The following TMEM116 variants were observed in gnomAD, a reference collection of about 807,000 sequenced individuals.
TMEM116 encodes the protein transmembrane protein 116.
Under a neutral mutation model 44.3 loss-of-function variants are expected in TMEM116, and 38 were observed. That is an observed-to-expected ratio of 0.86 (90% CI 0.66 to 1.12). The LOEUF (loss-of-function observed/expected upper bound fraction) is 1.12, where lower values mean the gene tolerates loss of function less well. TMEM116 is among the 50% of genes most tolerant of loss of function. The pLI, the probability that TMEM116 is intolerant of heterozygous loss-of-function variation, is 0.00. For missense variants in TMEM116, 354 were observed against 401.7 expected (o/e 0.88, Z 1.01); for synonymous variants, 132 against 144.8 (o/e 0.91, Z 0.64).
intron 4 of TMEM116, among the ~76,000 whole-genome samples, chr12:111,948,765 T>A (rs1445737372): frequency 1.3e-5 from 2 of 152,110 alleles, no homozygotes; most frequent in African/African-American, 4.8e-5. Context: ...CTTTGTAAAT[T>A]GCAAAGTTCC....
intron 3 of TMEM116, among the ~76,000 whole-genome samples, chr12:111,997,196 T>C (rs2076975717): frequency 6.6e-6 from 1 of 152,196 alleles, no homozygotes; most frequent in Non-Finnish European, 1.5e-5. Context: ...AAATAGTACA[T>C]ACATGTTTCA....
intron 4 of TMEM116, among the ~76,000 whole-genome samples, chr12:111,951,522 T>C (rs1350683058): frequency 1.3e-5 from 2 of 152,116 alleles, no homozygotes; most frequent in African/African-American, 4.8e-5. Context: ...TTCAGGAACA[T>C]TGATGGAGCT....
At chr12:111,971,385 A>G (rs941440034) in intron 4 of TMEM116, among the ~76,000 whole-genome samples, 3 of 152,342 alleles carry the variant, frequency 2.0e-5, no homozygotes. Flanking sequence ...AAGAGAAATG[A>G]AAGTACACTA....
chr12:111,992,635 C>T (rs2076679675), intron 3 of TMEM116, among the ~76,000 whole-genome samples: 1 of 152,044 alleles, frequency 6.6e-6, no homozygotes, highest in Non-Finnish European at 1.5e-5. Context: ...AAAATGAAAA[C>T]GTTTACAGTA....
chr12:111,978,669 CTT>C (rs1401138033), intron 4 of TMEM116: 4 of 318,200 alleles, frequency 1.3e-5, no homozygotes, highest in Non-Finnish European at 2.6e-5. Context: ...CTCTCTGTCT[CTT>C]GTCTCCACTA....
At chr12:112,007,436 T>C (rs1565978919) in intron 1 of TMEM116, among the ~76,000 whole-genome samples, 1 of 151,858 alleles carries the variant, frequency 6.6e-6, no homozygotes, top group East Asian at 1.9e-4. Flanking sequence ...TAAATAAAAA[T>C]AAAACAAAAC....
At chr12:111,945,514 G>A (rs979406611) in intron 4 of TMEM116, among the ~76,000 whole-genome samples, 1 of 151,712 alleles carries the variant, frequency 6.6e-6, no homozygotes, top group African/African-American at 2.4e-5. Flanking sequence ...TTAAAATTTT[G>A]TAACACCTTA....
chr12:111,940,472 T>TACACACAC (rs763389000), intron 5 of TMEM116, among the ~76,000 whole-genome samples: 29 of 97,572 alleles, frequency 3.0e-4, no homozygotes, highest in Non-Finnish European at 4.5e-4. Flanking sequence ...CACATATATA[T>TACACACAC]ATATACATAC....
intron 4 of TMEM116, among the ~76,000 whole-genome samples, chr12:111,960,848 G>A (rs1026703506): frequency 1.3e-5 from 2 of 152,140 alleles, no homozygotes; most frequent in Non-Finnish European, 2.9e-5. Flanking sequence ...GACGGAGATA[G>A]AGACAGGAAA....
intron 4 of TMEM116, chr12:111,978,809 T>C: frequency 2.3e-6 from 1 of 433,836 alleles, no homozygotes; most frequent in Middle Eastern, 3.3e-4. Flanking sequence ...AAATGCCTGT[T>C]GTTTAAGTCA....
intron 3 of TMEM116, among the ~76,000 whole-genome samples, chr12:112,001,664 C>G (rs149402146): frequency 2.6e-5 from 4 of 152,322 alleles, no homozygotes; most frequent in African/African-American, 9.6e-5. Context: ...TTAGCTCTCT[C>G]TGTGTGTAAG....
Position 111,931,582 on chromosome 12 carries a change from A to C in TMEM116, c.*39T>G. On this transcript the variant is annotated 3_prime_UTR_variant, in exon 11 of 11. Coordinates refer to ENST00000552374, the MANE Select transcript of TMEM116 (RefSeq NM_001193531.2). ...AACATTCTTTCCAATCCATTAGCGTAGAATAACTCCAGTTCCTGGATGTTC... is the reference window on the plus strand; with the variant it reads ...AACATTCTTTCCAATCCATTAGCGTCGAATAACTCCAGTTCCTGGATGTTC... 1 of 1,578,124 alleles carries C rather than the reference A, an allele frequency of 6.3e-7. No homozygotes were observed. Among genetic ancestry groups the C allele is most frequent in the African/African-American group, 1.3e-5 (1 of 74,254 alleles).
intron 4 of TMEM116, among the ~76,000 whole-genome samples, chr12:111,950,141 C>CAAAACA (rs1555210948): frequency 3.3e-5 from 5 of 151,196 alleles, no homozygotes; most frequent in Non-Finnish European, 5.9e-5. Context: ...CAAAACAAAA[C>CAAAACA]AAAAAAAACA....
rs564350621 is a variant in TMEM116, at chr12:112,003,279, A to G, written c.78+521T>C. On this transcript the variant is annotated intron_variant, in intron 3 of 10. Coordinates refer to ENST00000552374, the MANE Select transcript of TMEM116 (RefSeq NM_001193531.2). ...CCAAAGAAATCCACATTTAATAGTT[A>G]ATCTCAGGGCTGGGCGCGGTGGCTC... Among the ~76,000 whole-genome samples, 3 of 152,288 alleles carry G rather than the reference A, an allele frequency of 2.0e-5. No individual in the cohort carries two copies. The East Asian group carries it at 5.8e-4, about 29-fold the overall frequency.
At chr12:111,932,699 A>G in intron 9 of TMEM116, 40 bp from the exon 10 acceptor site, 1 of 1,549,150 alleles carries the variant, frequency 6.5e-7, no homozygotes, top group Non-Finnish European at 8.9e-7. Flanking sequence ...GTCAGCCCTG[A>G]CTGTCTGAAG....
intron 7 of TMEM116, 127 bp from the exon 8 acceptor site, chr12:111,936,957 C>T (rs1280229713): frequency 1.9e-6 from 2 of 1,074,276 alleles, no homozygotes; most frequent in South Asian, 1.6e-5. Flanking sequence ...CCTTGTCTCT[C>T]CCCCACAGAC....
intron 5 of TMEM116, among the ~76,000 whole-genome samples, chr12:111,938,872 C>CT (rs1419322515): frequency 6.7e-6 from 1 of 149,306 alleles, no homozygotes; most frequent in Non-Finnish European, 1.5e-5. Context: ...TAAAAATAAG[C>CT]TTTTTTCTAA....
intron 4 of TMEM116, among the ~76,000 whole-genome samples, chr12:111,977,847 A>G (rs1472959871): frequency 6.6e-6 from 1 of 152,256 alleles, no homozygotes; most frequent in East Asian, 1.9e-4. Context: ...GTAAACTTAG[A>G]TTAGTAAATG....
At chr12:111,989,411 T>C (rs2076413359) in intron 4 of TMEM116, among the ~76,000 whole-genome samples, 1 of 152,184 alleles carries the variant, frequency 6.6e-6, no homozygotes, top group Admixed American at 6.5e-5. Flanking sequence ...TCCAAACAAG[T>C]CTCAGCCTAA....
Sources: gnomAD v4.1 joint callset for allele counts (sites outside exome capture counted in the v4.1 genomes callset) on GRCh38, gnomAD v4.1.1 for gene constraint, MANE v1.5 for transcripts, NCBI Gene and HGNC (gene_info 2026-07-23, HGNC 2026-07-21) for gene names.